The following SUGCT variants were observed in gnomAD, a reference collection of about 807,000 sequenced individuals.
SUGCT encodes the protein succinyl-CoA:glutarate CoA-transferase.
In SUGCT, 41 loss-of-function variants were observed where a neutral mutation model predicts 55.0. The ratio of observed to expected loss-of-function variants is 0.74; its 90% CI spans 0.58 to 0.97. SUGCT has a LOEUF of 0.97. SUGCT is among the 50% of genes least tolerant of loss of function. SUGCT has a pLI of 0.00. For missense variants in SUGCT, 568 were observed against 547.8 expected (o/e 1.04, Z -0.37); for synonymous variants, 187 against 200.4 (o/e 0.93, Z 0.56).
chr7:40,246,318 T>C (rs1789874452), intron 7 of SUGCT, among the ~76,000 whole-genome samples: 1 of 152,002 alleles, frequency 6.6e-6, no homozygotes, highest in African/African-American at 2.4e-5. Flanking sequence ...GGTGCAACCT[T>C]GGCTCACTGC....
chr7:40,154,192 C>T (rs76889732), intron 1 of SUGCT: 8,645 of 177,750 alleles, frequency 0.049, 300 homozygotes, highest in Middle Eastern at 0.079. Context: ...AGTACTCGTA[C>T]TTCCCAACAC....
chr7:40,606,679 C>G lies in SUGCT; in HGVS notation c.1089+110293C>G, dbSNP rs370279885. On this transcript the variant is annotated intron_variant, in intron 12 of 13. Transcript: ENST00000335693. ...TAAGTTTTTCAAAAAATGTTTTACT[C>G]TTACATGATCAAGTCTTTATCATGG... 1.8e-4 allele frequency among the ~76,000 whole-genome samples: 28 copies of G among 152,162 alleles called. No individual in the cohort carries two copies. The East Asian group carries it at 2.9e-3, about 16-fold the overall frequency.
intron 12 of SUGCT, among the ~76,000 whole-genome samples, chr7:40,674,620 A>G (rs1279385362): frequency 6.6e-6 from 1 of 152,246 alleles, no homozygotes; most frequent in Non-Finnish European, 1.5e-5. Flanking sequence ...AGCCTCATCC[A>G]TGAAAAATAA....
intron 8 of SUGCT, among the ~76,000 whole-genome samples, chr7:40,300,600 G>A (rs1366821625): frequency 6.6e-6 from 1 of 152,154 alleles, no homozygotes; most frequent in Non-Finnish European, 1.5e-5. Flanking sequence ...TGCTGAATTA[G>A]GGACATATGA....
At chr7:40,862,731 G>GTTTTTTTT (rs200059575), downstream of SUGCT, among the ~76,000 whole-genome samples, 1 of 134,340 alleles carries the variant, frequency 7.4e-6, no homozygotes. Context: ...TCTTTTTCTT[G>GTTTTTTTT]TTTTTTTTTT....
intron 13 of SUGCT, among the ~76,000 whole-genome samples, chr7:40,785,397 T>C (rs1170499536): frequency 6.6e-6 from 1 of 152,184 alleles, no homozygotes; most frequent in Non-Finnish European, 1.5e-5. Flanking sequence ...ATAAGTCCTA[T>C]TAAAGAAAGC....
At chr7:40,758,548 A>G (rs1271022430) in intron 13 of SUGCT, among the ~76,000 whole-genome samples, 1 of 152,086 alleles carries the variant, frequency 6.6e-6, no homozygotes, top group Non-Finnish European at 1.5e-5. Flanking sequence ...CCCATTTTTC[A>G]TATCATCCCC....
the SUGCT span, among the ~76,000 whole-genome samples, chr7:40,923,993 A>C: frequency 2.0e-5 from 3 of 152,228 alleles, no homozygotes; most frequent in Middle Eastern, 6.8e-3. Context: ...TCTCTCATGA[A>C]TGGGATTAGT....
chr7:40,290,719 A>G (rs1223764223), intron 8 of SUGCT, among the ~76,000 whole-genome samples: 2 of 152,140 alleles, frequency 1.3e-5, no homozygotes, highest in African/African-American at 4.8e-5. Flanking sequence ...TGAACAGGCA[A>G]CCTACAAAAT....
chr7:40,189,662 A>G (rs535693245), intron 5 of SUGCT, 68 bp downstream of exon 5: 64 of 845,812 alleles, frequency 7.6e-5, no homozygotes, highest in Non-Finnish European at 1.0e-4. Flanking sequence ...TATCAGAGCA[A>G]AAGTGTTTTA....
intron 13 of SUGCT, among the ~76,000 whole-genome samples, chr7:40,819,530 G>T (rs1387318033): frequency 6.6e-6 from 1 of 152,248 alleles, no homozygotes. Context: ...ATTTTTTCAT[G>T]TGTCTTTTGG....
the SUGCT span, among the ~76,000 whole-genome samples, chr7:40,986,738 T>C: frequency 6.6e-6 from 1 of 152,176 alleles, no homozygotes; most frequent in Non-Finnish European, 1.5e-5. Context: ...TGCTCATCTG[T>C]TCTATGGTCA....
chr7:40,965,766 A>G, the SUGCT span: 1 of 152,250 alleles, frequency 6.6e-6, no homozygotes, highest in Non-Finnish European at 1.5e-5. Flanking sequence ...AGAACATACC[A>G]TCTATGCATC....
intron 9 of SUGCT, among the ~76,000 whole-genome samples, chr7:40,432,685 C>CAAAAAA (rs61055999): frequency 8.6e-6 from 1 of 115,674 alleles, no homozygotes; most frequent in Non-Finnish European, 1.8e-5. Flanking sequence ...GACTCCCTCT[C>CAAAAAA]AAAAAAAAAA....
the SUGCT span, among the ~76,000 whole-genome samples, chr7:40,967,626 C>CTTTT: frequency 1.4e-5 from 2 of 147,986 alleles, no homozygotes; most frequent in African/African-American, 4.9e-5. Flanking sequence ...GCAGTGAATT[C>CTTTT]TTTTTTTTTT....
chr7:40,478,239 C>T (rs183783072), intron 11 of SUGCT, among the ~76,000 whole-genome samples: 1 of 152,104 alleles, frequency 6.6e-6, no homozygotes, highest in Non-Finnish European at 1.5e-5. Flanking sequence ...CTCCTGGCCT[C>T]AAGTGATCTT....
the SUGCT span, among the ~76,000 whole-genome samples, chr7:40,994,135 G>T: frequency 1.3e-5 from 2 of 152,110 alleles, no homozygotes; most frequent in Non-Finnish European, 2.9e-5. Flanking sequence ...GTCTCAGATG[G>T]TGTGGTCACC....
chr7:40,901,156 C>T, the SUGCT span, among the ~76,000 whole-genome samples: 1 of 152,272 alleles, frequency 6.6e-6, no homozygotes, highest in Admixed American at 6.5e-5. Flanking sequence ...ACTTACAGCT[C>T]TTACATGGAC....
intron 12 of SUGCT, among the ~76,000 whole-genome samples, chr7:40,719,561 C>G (rs1403460536): frequency 6.6e-6 from 1 of 152,020 alleles, no homozygotes; most frequent in Non-Finnish European, 1.5e-5. Context: ...AACTGAAAAC[C>G]AGGAAAAAGA....
Sources: allele counts gnomAD v4.1 joint callset (sites outside exome capture counted in the v4.1 genomes callset), GRCh38; gene constraint gnomAD v4.1.1; transcripts MANE v1.5; gene names NCBI Gene and HGNC (gene_info 2026-07-23, HGNC 2026-07-21).